Variants in EYA1 observed in about 807,000 individuals in gnomAD.
The protein encoded by EYA1 is protein phosphatase EYA1.
In EYA1, 16 loss-of-function variants were observed where a neutral mutation model predicts 82.0. The ratio of observed to expected loss-of-function variants is 0.20; its 90% CI spans 0.13 to 0.30. EYA1 has a LOEUF of 0.30. EYA1 is among the 10% of genes least tolerant of loss of function. The pLI, the probability that EYA1 is intolerant of heterozygous loss-of-function variation, is 1.00. For missense variants in EYA1, 633 were observed against 730.7 expected (o/e 0.87, Z 1.54); for synonymous variants, 261 against 264.4 (o/e 0.99, Z 0.12).
At chr8:71,543,667 T>G (rs184077226) in intron 1 of EYA1, among the ~76,000 whole-genome samples, 2 of 152,296 alleles carry the variant, frequency 1.3e-5, no homozygotes, top group Admixed American at 6.5e-5. Context: ...TATTCCTACT[T>G]GAGTAAATTA....
chr8:71,204,388 T>C (rs1563607959), intron 17 of EYA1, among the ~76,000 whole-genome samples: 1 of 152,242 alleles, frequency 6.6e-6, no homozygotes, highest in Non-Finnish European at 1.5e-5. Flanking sequence ...AAAAATGTGT[T>C]AATTACAATG....
At chr8:71,498,038 A>G (rs940592084) in intron 2 of EYA1, among the ~76,000 whole-genome samples, 1 of 152,154 alleles carries the variant, frequency 6.6e-6, no homozygotes, top group Admixed American at 6.5e-5. Context: ...TACAGGGACT[A>G]GGGTGGTTGG....
intron 17 of EYA1, among the ~76,000 whole-genome samples, chr8:71,200,894 CTG>C (rs1478075001): frequency 2.0e-5 from 3 of 150,820 alleles, no homozygotes; most frequent in Non-Finnish European, 4.4e-5. Context: ...GAAAAACACT[CTG>C]ATGGTTATGT....
intron 2 of EYA1, chr8:71,470,756 A>G (rs1247193050): frequency 5.3e-6 from 2 of 376,010 alleles, no homozygotes; most frequent in East Asian, 1.7e-4. Context: ...CATCACCGTA[A>G]TGATATAACA....
chr8:71,304,863 A>T (rs2129007384), intron 7 of EYA1, among the ~76,000 whole-genome samples: 1 of 142,496 alleles, frequency 7.0e-6, no homozygotes, highest in Non-Finnish European at 1.6e-5. Flanking sequence ...GATGGATTTC[A>T]CCGAAGTTTA....
chr8:71,286,905 C>T (rs1250103785), intron 9 of EYA1, among the ~76,000 whole-genome samples: 2 of 148,914 alleles, frequency 1.3e-5, no homozygotes, highest in Non-Finnish European at 3.0e-5. Context: ...TGGGTTCAGG[C>T]AATTCCCCGC....
chr8:71,416,523 AAGAT>A (rs1260789099), intron 2 of EYA1, among the ~76,000 whole-genome samples: 1 of 152,216 alleles, frequency 6.6e-6, no homozygotes, highest in African/African-American at 2.4e-5. Flanking sequence ...AAAAAAATGA[AAGAT>A]AGCAGTCATT....
chr8:71,302,016 A>G (rs1820255089), intron 7 of EYA1, among the ~76,000 whole-genome samples: 1 of 152,144 alleles, frequency 6.6e-6, no homozygotes, highest in Non-Finnish European at 1.5e-5. Flanking sequence ...AAACTTATAC[A>G]TGATGAACAT....
intron 4 of EYA1, among the ~76,000 whole-genome samples, chr8:71,324,366 A>C (rs1822918427): frequency 6.6e-6 from 1 of 152,184 alleles, no homozygotes; most frequent in Non-Finnish European, 1.5e-5. Flanking sequence ...TCAGAATTGA[A>C]TTTCAGCTCA....
At position 71,211,140 on chromosome 8, in the gene EYA1, A is replaced by G; in HGVS notation, c.1698+16T>C. ...AAAAACAAATGAGACAAGATGCACC[A>G]TCTAGGAATGCTCACCTTTTTTGCT... On this transcript the variant is annotated intron_variant, in intron 17 of 17. Transcript: ENST00000340726. The G allele has an allele frequency of 6.6e-7, 1 of 1,519,444 alleles. No homozygotes were observed. The highest frequency in any genetic ancestry group is 9.1e-7 in the Non-Finnish European group (1 of 1,093,836). The allele number at this position is 1,519,444 out of a possible 1,614,324, so 94.1% of individuals were successfully genotyped here.
intron 2 of EYA1, among the ~76,000 whole-genome samples, chr8:71,370,919 C>T (rs1828044337): frequency 6.6e-6 from 1 of 152,148 alleles, no homozygotes; most frequent in South Asian, 2.1e-4. Flanking sequence ...GCCACTACAC[C>T]CAGCCTTAAC....
chr8:71,402,399 C>CTT (rs746716486), intron 2 of EYA1, among the ~76,000 whole-genome samples: 6 of 152,158 alleles, frequency 3.9e-5, no homozygotes, highest in Non-Finnish European at 7.3e-5. Context: ...TAAGAATACA[C>CTT]TTAACATGAA....
At chr8:71,537,856 T>C (rs1234784162) in intron 1 of EYA1, among the ~76,000 whole-genome samples, 2 of 152,230 alleles carry the variant, frequency 1.3e-5, no homozygotes, top group Non-Finnish European at 2.9e-5. Context: ...GGTATTTCAT[T>C]TGTAATTTTA....
At chr8:71,340,552 C>G (rs2129052912) in intron 3 of EYA1, among the ~76,000 whole-genome samples, 1 of 152,260 alleles carries the variant, frequency 6.6e-6, no homozygotes, top group Non-Finnish European at 1.5e-5. Flanking sequence ...CTAAATCCCA[C>G]AGTTTCTTCA....
chr8:71,206,386 T>G (rs1199851079), intron 17 of EYA1, among the ~76,000 whole-genome samples: 1 of 152,058 alleles, frequency 6.6e-6, no homozygotes, highest in Non-Finnish European at 1.5e-5. Context: ...TATGCTGGGC[T>G]AATTTTTGTA....
At chr8:71,242,068 G>T (rs1455246722) in intron 12 of EYA1, among the ~76,000 whole-genome samples, 1 of 152,036 alleles carries the variant, frequency 6.6e-6, no homozygotes, top group African/African-American at 2.4e-5. Context: ...AATTAGCCAC[G>T]CATGGTGGTG....
intron 1 of EYA1, among the ~76,000 whole-genome samples, chr8:71,357,440 T>TC (rs1826999345): frequency 6.6e-6 from 1 of 152,194 alleles, no homozygotes; most frequent in Non-Finnish European, 1.5e-5. Flanking sequence ...GTGATAAAGC[T>TC]CAGGTGAGGC....
At chr8:71,315,231 CTCA>C (rs1821782640) in intron 7 of EYA1, among the ~76,000 whole-genome samples, 1 of 152,146 alleles carries the variant, frequency 6.6e-6, no homozygotes, top group African/African-American at 2.4e-5. Context: ...CAGTATAAGT[CTCA>C]TTTTAAAAAA....
intron 2 of EYA1, among the ~76,000 whole-genome samples, chr8:71,450,134 T>C (rs1563625262): frequency 6.6e-6 from 1 of 152,238 alleles, no homozygotes; most frequent in Non-Finnish European, 1.5e-5. Context: ...TTCTTATCAT[T>C]CATGGGTTCA....
Sources: allele counts gnomAD v4.1 joint callset (sites outside exome capture counted in the v4.1 genomes callset), GRCh38; gene constraint gnomAD v4.1.1; transcripts MANE v1.5; gene names NCBI Gene and HGNC (gene_info 2026-07-23, HGNC 2026-07-21).